GABRB1: variants seen among roughly 807,000 people sequenced by gnomAD.
GABRB1 encodes the protein gamma-aminobutyric acid type A receptor subunit beta1, also known as gamma-aminobutyric acid receptor subunit beta-1.
Under a neutral mutation model 51.6 loss-of-function variants are expected in GABRB1, and 17 were observed. The ratio of observed to expected loss-of-function variants is 0.33; its 90% confidence interval spans 0.23 to 0.49. GABRB1 has a LOEUF of 0.49. Ranked by LOEUF, GABRB1 falls within the 20% of genes least tolerant of loss-of-function variation. The probability of loss-of-function intolerance (pLI) is 0.99; values close to 1 mark genes in which losing one functional copy is unlikely to be tolerated. For synonymous variants in GABRB1, 247 were observed against 218.9 expected (o/e 1.13, Z -1.14); for missense variants, 410 against 600.6 (o/e 0.68, Z 3.32).
At position 47,378,150 on chromosome 4, in the gene GABRB1, T is replaced by G. The variant is rs182063671; in HGVS notation, c.545-25168T>G. Among the ~76,000 whole-genome samples, 517 of 152,138 alleles carry G rather than the reference T, an allele frequency of 3.4e-3. 7 individuals carry two copies. The highest frequency in any genetic ancestry group is 0.011 in the African/African-American group (474 of 41,528). ...AGGAGCCCACAGAGGCGGGGAGTCG[T>G]GGGGAGGCTCAGGCATGGCGGGCTG... On this transcript the variant is annotated intron_variant, in intron 5 of 8. Coordinates refer to ENST00000295454, the MANE Select transcript of GABRB1 (RefSeq NM_000812.4).
chr4:47,140,506 A>G (rs1204373334), intron 3 of GABRB1, among the ~76,000 whole-genome samples: 1 of 152,010 alleles, frequency 6.6e-6, no homozygotes, highest in African/African-American at 2.4e-5. Context: ...TGAAAAAAGG[A>G]TAGAATTGTC....
In GABRB1 at chr4:47,098,151, AACACACACACACAC is replaced by A. The variant is rs59294163; in HGVS notation, c.241-63072_241-63059del. On this transcript the variant is annotated intron_variant, in intron 3 of 8. Coordinates refer to ENST00000295454, the MANE Select transcript of GABRB1 (RefSeq NM_000812.4). ...TCCCTGGAAAGTAGTTTTTAGTACA[AACACACACACACAC>A]ACACACACACACACACACACACACA... is the stretch of plus-strand genomic sequence containing the variant. Among the ~76,000 whole-genome samples the A allele has an allele frequency of 2.3e-3, 344 of 148,332 alleles. 1 individual carries two copies. Among genetic ancestry groups the A allele is most frequent in the Non-Finnish European group, 3.5e-3 (237 of 66,986 alleles).
At chr4:47,025,153 G>A (rs377275272) in intron 1 of GABRB1, among the ~76,000 whole-genome samples, 57 of 150,280 alleles carry the variant, frequency 3.8e-4, no homozygotes, top group East Asian at 2.9e-3. Flanking sequence ...TGATTGATGC[G>A]TATTTGGGTT....
chr4:47,324,130 AAAT>A (rs1725172699), intron 5 of GABRB1, among the ~76,000 whole-genome samples: 1 of 152,074 alleles, frequency 6.6e-6, no homozygotes, highest in African/African-American at 2.4e-5. Flanking sequence ...CACCACACCA[AAAT>A]AATAATAATA....
At chr4:47,035,517 T>C (rs1263275310) in intron 3 of GABRB1, among the ~76,000 whole-genome samples, 2 of 152,210 alleles carry the variant, frequency 1.3e-5, no homozygotes, top group African/African-American at 4.8e-5. Context: ...GATATACTGT[T>C]TGTGTGATAG....
At chr4:47,139,137 G>A (rs935396858) in intron 3 of GABRB1, among the ~76,000 whole-genome samples, 1 of 151,940 alleles carries the variant, frequency 6.6e-6, no homozygotes, top group Admixed American at 6.6e-5. Flanking sequence ...GAATCTTTCT[G>A]TCACTCTCCC....
chr4:47,239,678 C>A (rs1333514908), intron 4 of GABRB1, among the ~76,000 whole-genome samples: 1 of 152,182 alleles, frequency 6.6e-6, no homozygotes, highest in Non-Finnish European at 1.5e-5. Context: ...TTAGATTAAA[C>A]AAAAGTAAAC....
chr4:47,284,301 T>A (rs991770105), intron 4 of GABRB1, among the ~76,000 whole-genome samples: 1 of 151,962 alleles, frequency 6.6e-6, no homozygotes, highest in Non-Finnish European at 1.5e-5. Context: ...AAGACAAGCA[T>A]GTAAAGATGG....
chr4:47,154,257 G>T (rs201562454), intron 3 of GABRB1, among the ~76,000 whole-genome samples: 127 of 137,354 alleles, frequency 9.2e-4, no homozygotes, highest in East Asian at 3.4e-3. Context: ...AATTATGGTT[G>T]TTTTTTTTTT....
chr4:47,113,835 G>T (rs1008593429), intron 3 of GABRB1, among the ~76,000 whole-genome samples: 16 of 152,212 alleles, frequency 1.1e-4, no homozygotes, highest in African/African-American at 3.6e-4. Context: ...ATTCAGCCCC[G>T]CAGTTCTGTT....
At position 47,406,894 on chromosome 4, in the gene GABRB1, G is replaced by A; in HGVS notation, c.1048G>A (p.Glu350Lys). 29 of 1,614,040 alleles carry A rather than the reference G, an allele frequency of 1.8e-5. No individual in the cohort carries two copies. Among genetic ancestry groups the A allele is most frequent in the Non-Finnish European group, 2.5e-5 (29 of 1,179,976 alleles). The stretch of plus-strand genomic sequence containing the variant: ...TAGCAAACAAGACCAGAGTGCCAAT[G>A]AGAAGAATAAACTGGAGATGAATAA... ...GASKQDQSAN[E>K]KNKLEMNKVQ... is the part of the protein sequence containing the mutation. Residue 350 changes from glutamate to lysine, a missense_variant, in exon 8 of 9, where the codon GAG becomes AAG. Physicochemically the swap from Glu to Lys is moderately conservative, Grantham distance 56. This residue lies in a region of GABRB1 where 181 missense variants were observed against 195.6 expected (regional missense o/e 0.93). Transcript: ENST00000295454.
chr4:47,415,392 C>T (rs566433152), intron 8 of GABRB1, among the ~76,000 whole-genome samples: 70 of 152,056 alleles, frequency 4.6e-4, no homozygotes, highest in African/African-American at 1.6e-3. Flanking sequence ...TCATGGTGGT[C>T]CCAAAGTTCC....
intron 3 of GABRB1, among the ~76,000 whole-genome samples, chr4:47,127,604 A>T (rs936156305): frequency 8.6e-5 from 13 of 151,728 alleles, no homozygotes; most frequent in Admixed American, 8.5e-4. Context: ...AGTGTCTTTA[A>T]TGAATGTTTT....
intron 4 of GABRB1, among the ~76,000 whole-genome samples, chr4:47,244,177 G>A (rs1485963200): frequency 2.0e-5 from 3 of 152,136 alleles, no homozygotes; most frequent in Non-Finnish European, 4.4e-5. Flanking sequence ...TTTATATGAT[G>A]GATTACTTTT....
intron 4 of GABRB1, among the ~76,000 whole-genome samples, chr4:47,263,791 AATAG>A (rs745534157): frequency 1.6e-4 from 24 of 152,272 alleles, no homozygotes; most frequent in South Asian, 8.3e-4. Context: ...TATCTATACA[AATAG>A]ATAGTGGTAA....
chr4:47,194,742 C>T (rs967069728), intron 4 of GABRB1, among the ~76,000 whole-genome samples: 2 of 152,140 alleles, frequency 1.3e-5, no homozygotes, highest in Non-Finnish European at 2.9e-5. Flanking sequence ...AATGGATATA[C>T]TCCAGTGGGA....
At chr4:47,114,814 C>T (rs1715394650) in intron 3 of GABRB1, among the ~76,000 whole-genome samples, 1 of 152,154 alleles carries the variant, frequency 6.6e-6, no homozygotes. Flanking sequence ...AAGTCAAGAG[C>T]ACAGGAAGAC....
At chr4:47,197,948 T>C (rs1393088447) in intron 4 of GABRB1, among the ~76,000 whole-genome samples, 1 of 152,196 alleles carries the variant, frequency 6.6e-6, no homozygotes, top group Non-Finnish European at 1.5e-5. Context: ...CCACTATAAA[T>C]ACTTCTTAAT....
intron 5 of GABRB1, among the ~76,000 whole-genome samples, chr4:47,365,768 G>T (rs141979879): frequency 4.7e-4 from 72 of 152,196 alleles, no homozygotes; most frequent in African/African-American, 1.7e-3. Flanking sequence ...CCAAGACCAC[G>T]GCTCCTACCT....
Sources: gnomAD v4.1 joint callset for allele counts (sites outside exome capture counted in the v4.1 genomes callset) on GRCh38, gnomAD v4.1.1 for gene constraint, gnomAD v4.1.1 regional missense constraint, MANE v1.5 for transcripts, NCBI Gene and HGNC (gene_info 2026-07-23, HGNC 2026-07-21) for gene names.